RASGRP2: variants seen among roughly 807,000 people sequenced by gnomAD.
RASGRP2 encodes RAS guanyl-releasing protein 2.
A neutral mutation model predicts 71.0 loss-of-function variants in RASGRP2; 44 were observed. The ratio of observed to expected loss-of-function variants is 0.62; its 90% confidence interval spans 0.49 to 0.80. The LOEUF is 0.80. Ranked by LOEUF, RASGRP2 falls within the 30% of genes least tolerant of loss-of-function variation. The pLI is 0.00. For missense variants in RASGRP2, 663 were observed against 813.4 expected (o/e 0.82, Z 2.25); for synonymous variants, 350 against 330.7 (o/e 1.06, Z -0.63).
At chr11:64,740,862 CTCAT>C in intron 5 of RASGRP2, 82 bp downstream of exon 5, 2 of 1,547,576 alleles carry the variant, frequency 1.3e-6, no homozygotes, top group Non-Finnish European at 1.8e-6. Context: ...ATGACCCTCA[CTCAT>C]TCAGTTCAAC....
In RASGRP2 at chr11:64,743,316, A is replaced by C. The variant is rs1283832638; in HGVS notation, c.-71-379T>G. On this transcript the variant is annotated intron_variant, in intron 1 of 16. Coordinates refer to ENST00000394432, the MANE Select transcript of RASGRP2 (RefSeq NM_001098671.2). This position sits in a 1 kb window ranked among gnomAD's most constrained non-coding sequence, Gnocchi z 4.9. ...GCGCCCCTCCCGCTTCCCTCCCTCC[A>C]CAGCCTCCCTTCCCCCGCAGGGTTA... The C allele has an allele frequency of 1.1e-5, 5 of 450,902 alleles. No individual in the cohort carries two copies. Among genetic ancestry groups the C allele is most frequent in the Middle Eastern group, 3.3e-4 (1 of 3,020 alleles). The allele number at this position is 450,902 out of a possible 1,614,324, so 27.9% of individuals were successfully genotyped here.
rs1395966356 is a variant in RASGRP2 at position 64,742,376 on chromosome 11, G to C, written c.74-264C>G. 3.4e-6 allele frequency: 2 copies of C among 587,832 alleles called. No individual in the cohort carries two copies. Among genetic ancestry groups the C allele is most frequent in the East Asian group, 5.7e-5 (2 of 35,128 alleles). The allele number at this position is 587,832 out of a possible 1,614,324, so 36.4% of individuals were successfully genotyped here. A position where few individuals can be genotyped will look rare whatever the true frequency, so the allele number is the denominator to read the frequency against. On this transcript the variant is annotated intron_variant, in intron 2 of 16. Coordinates refer to ENST00000394432, the MANE Select transcript of RASGRP2 (RefSeq NM_001098671.2). The surrounding 1 kb of genome is among the most constrained non-coding windows in gnomAD (Gnocchi z 4.7). ...AGGGGAACCAGCTGGGGCGGAAGGA[G>C]CCTGGGTTCCCCGGGGTCAAGAATC...
At chr11:64,738,089 T>C (rs982074367) in intron 8 of RASGRP2, among the ~76,000 whole-genome samples, 15 of 152,106 alleles carry the variant, frequency 9.9e-5, no homozygotes, top group African/African-American at 3.6e-4. Flanking sequence ...TACAATAAAA[T>C]ATTATATGGC....
At chr11:64,729,937 A>AT in intron 13 of RASGRP2, 116 bp downstream of exon 13, 1 of 1,530,336 alleles carries the variant, frequency 6.5e-7, no homozygotes. Context: ...GGCAAATAGA[A>AT]TTACCAGGTT....
chr11:64,743,832 C>A lies in RASGRP2; in HGVS notation c.-72+171G>T. The stretch of plus-strand genomic sequence containing the variant: ...TCATACGCACCCTGGCAGGGGCAAA[C>A]ACTCCACACCCAAGTTATTCGTCGG... On this transcript the variant is annotated intron_variant, in intron 1 of 16. Transcript: ENST00000394432. This position sits in a 1 kb window ranked among gnomAD's most constrained non-coding sequence, Gnocchi z 4.9. 1 of 300,690 alleles carries A rather than the reference C, an allele frequency of 3.3e-6. No individual in the cohort carries two copies. Among genetic ancestry groups the A allele is most frequent in the Non-Finnish European group, 5.6e-6 (1 of 178,806 alleles). 18.6% of individuals were successfully genotyped at this position (300,690 alleles called of 1,614,324 possible).
In RASGRP2 at chr11:64,730,045, A is replaced by C; in HGVS notation, c.1554+8T>G. ...GCTTGGGCCGTGAGCCGGGAAAGGG[A>C]CTCTCACCAGGGCTTTGCAGTGGCG... On this transcript the variant is annotated splice_region_variant and intron_variant, in intron 13 of 16. Coordinates refer to ENST00000394432, the MANE Select transcript of RASGRP2 (RefSeq NM_001098671.2). 1 of 1,549,966 alleles carries C rather than the reference A, an allele frequency of 6.5e-7. No homozygotes were observed. The highest frequency in any genetic ancestry group is 8.7e-7 in the Non-Finnish European group (1 of 1,147,414).
intron 15 of RASGRP2, among the ~76,000 whole-genome samples, chr11:64,728,645 G>C (rs2057654125): frequency 6.6e-6 from 1 of 152,066 alleles, no homozygotes; most frequent in Non-Finnish European, 1.5e-5. Flanking sequence ...GTGTTAGCCA[G>C]GATGGTCTCG....
chr11:64,740,546 CAG>C, intron 5 of RASGRP2: 1 of 646,500 alleles, frequency 1.5e-6, no homozygotes, highest in Non-Finnish European at 2.9e-6. Flanking sequence ...CCATGGAAAA[CAG>C]AGGTGGGAAC....
chr11:64,731,333 G>A (rs1284501029), intron 12 of RASGRP2, among the ~76,000 whole-genome samples: 1 of 150,878 alleles, frequency 6.6e-6, no homozygotes, highest in Non-Finnish European at 1.5e-5. Context: ...TCCAGCCTGG[G>A]TGACATGGCA....
In RASGRP2 at chr11:64,743,364, G is replaced by A; in HGVS notation, c.-71-427C>T. The stretch of plus-strand genomic sequence containing the variant: ...TTATTTTGGGAACCCAGAGCCTGAG[G>A]GGACCTCGGAGGAATTTCTCCCTGG... On this transcript the variant is annotated intron_variant, in intron 1 of 16. Transcript: ENST00000394432. This position sits in a 1 kb window ranked among gnomAD's most constrained non-coding sequence, Gnocchi z 4.9. The A allele has an allele frequency of 2.5e-6, 1 of 405,042 alleles. No individual in the cohort carries two copies. The highest frequency in any genetic ancestry group is 4.9e-6 in the Non-Finnish European group (1 of 202,960). The allele number at this position is 405,042 out of a possible 1,614,324, so 25.1% of individuals were successfully genotyped here. A position where few individuals can be genotyped will look rare whatever the true frequency, so the allele number is the denominator to read the frequency against.
intron 8 of RASGRP2, among the ~76,000 whole-genome samples, chr11:64,737,658 G>A (rs1417682886): frequency 4.0e-5 from 5 of 125,486 alleles, no homozygotes; most frequent in Non-Finnish European, 8.1e-5. Flanking sequence ...CCAGCCTGGC[G>A]ACAGAGCAAG....
rs146755735 is a variant in RASGRP2, at chr11:64,741,209, G to A, written c.240-130C>T. ...AACTATGGTTCCAGCTCTTTCCTTC[G>A]CCACTCCAAGTGTACATTAGACCCT... On this transcript the variant is annotated intron_variant, in intron 4 of 16. Transcript: ENST00000394432. 488 of 1,250,532 alleles carry A rather than the reference G, an allele frequency of 3.9e-4. 2 individuals carry two copies. The African/African-American group carries it at 6.8e-3, about 17-fold the overall frequency. The allele number at this position is 1,250,532 out of a possible 1,614,324, so 77.5% of individuals were successfully genotyped here.
At chr11:64,740,332 C>T (rs1210429636) in intron 5 of RASGRP2, 169 bp from the exon 6 acceptor site, 2 of 772,314 alleles carry the variant, frequency 2.6e-6, no homozygotes, top group South Asian at 2.9e-5. Context: ...CCCCCGACCC[C>T]GTCATGCACT....
chr11:64,738,957 TA>T (rs34619826), intron 8 of RASGRP2, among the ~76,000 whole-genome samples: 197 of 133,052 alleles, frequency 1.5e-3, no homozygotes, highest in African/African-American at 3.4e-3. Context: ...ACCCCATCTC[TA>T]AAAAAAAAAA....
At chr11:64,736,193 C>A (rs537249311) in intron 9 of RASGRP2, among the ~76,000 whole-genome samples, 2 of 152,318 alleles carry the variant, frequency 1.3e-5, no homozygotes, top group South Asian at 4.1e-4. Flanking sequence ...TTGAACACAA[C>A]ATATTGCCAA....
In RASGRP2 at chr11:64,742,904, T is replaced by C. The variant is rs774709358; in HGVS notation, c.-38A>G. Reference sequence around the variant, plus strand: ...GGGGTGGGCTGGGCCCAGGCTGCGCTCCGGGAGCCTCCCACCGGGCTCGGA... The same window carrying C: ...GGGGTGGGCTGGGCCCAGGCTGCGCCCCGGGAGCCTCCCACCGGGCTCGGA... On this transcript the variant is annotated 5_prime_UTR_variant, in exon 2 of 17. Transcript: ENST00000394432. The surrounding 1 kb of genome is among the most constrained non-coding windows in gnomAD (Gnocchi z 4.7). The C allele has an allele frequency of 6.4e-7, 1 of 1,552,518 alleles. No homozygotes were observed. Among genetic ancestry groups the C allele is most frequent in the South Asian group, 1.2e-5 (1 of 85,292 alleles).
Position 64,740,111 on chromosome 11 carries a change from T to C in RASGRP2, c.424A>G (p.Lys142Glu). 6.2e-7 allele frequency: 1 copy of C among 1,614,136 alleles called. No homozygotes were observed. Among genetic ancestry groups the C allele is most frequent in the East Asian group, 2.2e-5 (1 of 44,860 alleles). Reference sequence around the variant, plus strand: ...AACAACAGGGACATCTTGCGCTTTTTCTGTCCCACAGGGTTCCGCTGAGTC... The same window carrying C: ...AACAACAGGGACATCTTGCGCTTTTCCTGTCCCACAGGGTTCCGCTGAGTC... ...QVTQRNPVGQKKRKMSLLFDH... is the reference protein window; with the variant it reads ...QVTQRNPVGQEKRKMSLLFDH... Residue 142 changes from lysine (K) to glutamate (E), a missense_variant, in exon 6 of 17, where the codon AAA (lysine) becomes GAA (glutamate). Physicochemically the swap from Lys to Glu is moderately conservative, Grantham distance 56. Transcript: ENST00000394432.
intron 5 of RASGRP2, 131 bp downstream of exon 5, chr11:64,740,817 G>A (rs1323236090): frequency 1.6e-6 from 2 of 1,236,866 alleles, no homozygotes; most frequent in African/African-American, 3.0e-5. Context: ...GAAGGCAATA[G>A]GGAGCCATGG....
chr11:64,743,535 C>A lies in RASGRP2; in HGVS notation c.-72+468G>T, dbSNP rs958416527. 1 of 336,932 alleles carries A rather than the reference C, an allele frequency of 3.0e-6. No individual in the cohort carries two copies. Among genetic ancestry groups the A allele is most frequent in the Non-Finnish European group, 5.8e-6 (1 of 172,018 alleles). The allele number at this position is 336,932 out of a possible 1,614,324, so 20.9% of individuals were successfully genotyped here. On this transcript the variant is annotated intron_variant, in intron 1 of 16. Transcript: ENST00000394432. This position sits in a 1 kb window ranked among gnomAD's most constrained non-coding sequence, Gnocchi z 4.9. ...GGATGGGAGAGGAACATTCCTGGGG[C>A]GGGGGGAGCCCGCTGCGGCCAGGAG...
Sources: gnomAD v4.1 joint callset for allele counts (sites outside exome capture counted in the v4.1 genomes callset) on GRCh38, gnomAD v4.1.1 for gene constraint, Gnocchi (gnomAD v3.1) non-coding constraint, MANE v1.5 for transcripts, NCBI Gene and HGNC (gene_info 2026-07-23, HGNC 2026-07-21) for gene names.